The following DNAH14 variants were observed in gnomAD, a reference collection of about 807,000 sequenced individuals.
DNAH14 encodes axonemal beta dynein heavy chain 14.
In DNAH14, 478 loss-of-function variants were observed where a neutral mutation model predicts 520.9. The observed-to-expected ratio is 0.92, with a 90% CI of 0.85 to 0.99. DNAH14 has a LOEUF of 0.99. Ranked by LOEUF, DNAH14 falls within the 50% of genes least tolerant of loss-of-function variation. The pLI is 0.00. For missense variants in DNAH14, 4,831 were observed against 5,234.5 expected (o/e 0.92, Z 2.38); for synonymous variants, 1,581 against 1,757.2 (o/e 0.90, Z 2.51).
At position 225,038,702 on chromosome 1, in the gene DNAH14, A is replaced by G. The variant is rs747325076; in HGVS notation, c.1367A>G (p.Lys456Arg). ...CCCATTTCTTAATCCAGAACATTCA[A>G]GGACAACTCTTTTCCTACTGGAAAG... ...KKNENLIRTF[K>R]DNSFPTGKTT... The change falls in exon 12 of 86, where the codon AAG (lysine) becomes AGG (arginine). Residue 456 changes from lysine (K) to arginine (R), a missense_variant. Transcript: ENST00000682510. 356 of 1,528,808 alleles carry G rather than the reference A, an allele frequency of 2.3e-4. No individual in the cohort carries two copies. The highest frequency in any genetic ancestry group is 2.7e-4 in the Non-Finnish European group (307 of 1,140,758). 94.7% of individuals were successfully genotyped at this position (1,528,808 alleles called of 1,614,324 possible).
intron 1 of DNAH14, among the ~76,000 whole-genome samples, chr1:224,939,035 G>C (rs1433782775): frequency 6.6e-6 from 1 of 151,990 alleles, no homozygotes; most frequent in African/African-American, 2.4e-5. Flanking sequence ...GTAAGGGGAG[G>C]GGGATGAATG....
intron 84 of DNAH14, chr1:225,397,323 G>C (rs1302203711): frequency 6.6e-6 from 1 of 152,396 alleles, no homozygotes; most frequent in Admixed American, 6.5e-5. Flanking sequence ...CTTAATATGA[G>C]TTCAGCTTGC....
intron 68 of DNAH14, among the ~76,000 whole-genome samples, chr1:225,338,535 C>T (rs1434905696): frequency 6.6e-6 from 1 of 151,964 alleles, no homozygotes; most frequent in African/African-American, 2.4e-5. Flanking sequence ...GTTTCTGCCT[C>T]TTTAAAAAAC....
In DNAH14 at chr1:225,346,263, A is replaced by G. The variant is rs926072392; in HGVS notation, c.10980A>G (p.Pro3660=). Residue 3660 remains proline, a synonymous_variant, in exon 70 of 86, where the codon CCA becomes CCG. Transcript: ENST00000682510. ...GTTTTAAAAGGGAGAAAGTGTCTCC[A>G]AAAGAAGTTCATGAGTTTATAAGTA... The part of the protein sequence containing the change: ...EHSFKREKVS[P]KEVHEFISIS... 2.6e-6 allele frequency: 4 copies of G among 1,551,540 alleles called. No individual in the cohort carries two copies. The South Asian group carries it at 4.8e-5, about 18-fold the overall frequency.
intron 41 of DNAH14, among the ~76,000 whole-genome samples, chr1:225,215,909 T>C (rs2089243186): frequency 6.6e-6 from 1 of 152,200 alleles, no homozygotes; most frequent in Non-Finnish European, 1.5e-5. Flanking sequence ...AAGATTAATA[T>C]TGTTATGTGT....
Position 225,234,355 on chromosome 1 carries a change from A to T in DNAH14, c.6518+3204A>T, listed in dbSNP as rs564178126. ...AGGCATCTGCCACCGCACCTGGCTA[A>T]TTTTTTGTATTTTTAGTAGAGATGT... On this transcript the variant is annotated intron_variant, in intron 42 of 85. Transcript: ENST00000682510. Among the ~76,000 whole-genome samples the T allele has an allele frequency of 5.0e-3, 761 of 151,940 alleles. 5 individuals are homozygous for T. The highest frequency in any genetic ancestry group is 0.017 in the African/African-American group (718 of 41,462).
At chr1:225,300,225 T>G (rs1276105622) in intron 55 of DNAH14, among the ~76,000 whole-genome samples, 1 of 152,210 alleles carries the variant, frequency 6.6e-6, no homozygotes, top group Non-Finnish European at 1.5e-5. Flanking sequence ...TATTGAGGGC[T>G]TCTGTGAACT....
rs750525276 is a variant in DNAH14 at position 225,252,292 on chromosome 1, C to T, written c.6749-9C>T. On this transcript the variant is annotated splice_polypyrimidine_tract_variant and intron_variant, in intron 43 of 85. Transcript: ENST00000682510. ...CTTTCTTAGTTGAATTTATTATTTT[C>T]GGTTGTAGGCATCAACCTACCAACT... 23 of 1,455,990 alleles carry T rather than the reference C, an allele frequency of 1.6e-5. No homozygotes were observed. The highest frequency in any genetic ancestry group is 8.6e-5 in the South Asian group (7 of 81,776). 90.2% of individuals were successfully genotyped at this position (1,455,990 alleles called of 1,614,324 possible).
intron 17 of DNAH14, among the ~76,000 whole-genome samples, chr1:225,063,899 C>G (rs1454542721): frequency 2.9e-5 from 1 of 33,980 alleles, no homozygotes; most frequent in Non-Finnish European, 1.9e-3. Flanking sequence ...AGACCTCCTC[C>G]CCAAAAAAAG....
chr1:225,114,540 C>A (rs1486690268), intron 23 of DNAH14, among the ~76,000 whole-genome samples: 12 of 152,144 alleles, frequency 7.9e-5, no homozygotes. Context: ...TGGCTCTGAG[C>A]CCAGCACGGC....
At chr1:225,297,529 A>T (rs931147386) in intron 55 of DNAH14, among the ~76,000 whole-genome samples, 1 of 152,298 alleles carries the variant, frequency 6.6e-6, no homozygotes. Flanking sequence ...GGAGAGACTT[A>T]TTCATAGGTA....
chr1:225,215,953 TATTTTG>T (rs2089252361), intron 41 of DNAH14, among the ~76,000 whole-genome samples: 1 of 152,208 alleles, frequency 6.6e-6, no homozygotes, highest in Non-Finnish European at 1.5e-5. Context: ...GTTAGCTAGT[TATTTTG>T]CTCGTTAGTT....
intron 81 of DNAH14, among the ~76,000 whole-genome samples, chr1:225,385,886 G>A (rs2095835973): frequency 6.6e-6 from 1 of 152,058 alleles, no homozygotes; most frequent in African/African-American, 2.4e-5. Context: ...CTACTTTAAA[G>A]TTCATATGGA....
At chr1:225,396,283 T>C (rs2096009712) in intron 84 of DNAH14, 2 of 152,216 alleles carry the variant, frequency 1.3e-5, no homozygotes, top group Non-Finnish European at 2.9e-5. Flanking sequence ...GTTGGAAATA[T>C]CGAGATGAAC....
At chr1:225,197,542 A>G (rs1403413014) in intron 38 of DNAH14, among the ~76,000 whole-genome samples, 1 of 152,118 alleles carries the variant, frequency 6.6e-6, no homozygotes, top group Non-Finnish European at 1.5e-5. Context: ...TTGGTTCCAT[A>G]TAAATTTTAG....
intron 12 of DNAH14, among the ~76,000 whole-genome samples, chr1:225,041,631 T>C (rs1045170010): frequency 1.3e-5 from 2 of 152,246 alleles, no homozygotes; most frequent in Non-Finnish European, 2.9e-5. Context: ...TAATAATTTC[T>C]GTCTCTTGGG....
intron 52 of DNAH14, among the ~76,000 whole-genome samples, chr1:225,274,197 A>ATTTTTTTTTTTTTTTTT (rs869247051): frequency 1.3e-4 from 12 of 92,878 alleles, no homozygotes; most frequent in Admixed American, 2.7e-4. Context: ...AGCATCTGTT[A>ATTTTTTTTTTTTTTTTT]TTTTTTTTTT....
intron 41 of DNAH14, among the ~76,000 whole-genome samples, chr1:225,214,015 G>A (rs1046642504): frequency 1.3e-5 from 2 of 152,096 alleles, no homozygotes; most frequent in East Asian, 3.9e-4. Flanking sequence ...TCCAGTTTTT[G>A]CCCATTGAGT....
chr1:225,008,716 C>T (rs570561795), intron 10 of DNAH14, among the ~76,000 whole-genome samples: 9 of 151,838 alleles, frequency 5.9e-5, no homozygotes, highest in South Asian at 2.1e-4. Context: ...TGAGCCACCG[C>T]GCCTGGCCGT....
Sources: gnomAD v4.1 joint callset for allele counts (sites outside exome capture counted in the v4.1 genomes callset) on GRCh38, gnomAD v4.1.1 for gene constraint, MANE v1.5 for transcripts, NCBI Gene and HGNC (gene_info 2026-07-23, HGNC 2026-07-21) for gene names.